CTXN1: variants seen among roughly 807,000 people sequenced by gnomAD.
CTXN1 encodes cortexin-1.
A neutral mutation model predicts 5.5 loss-of-function variants in CTXN1; 4 were observed. The observed-to-expected ratio is 0.73, with a 90% CI of 0.36 to 1.68. The LOEUF is 1.68. Ranked by LOEUF, CTXN1 falls within the 40% of genes most tolerant of loss-of-function variation. The pLI is 0.05. For synonymous variants in CTXN1, 67 were observed against 62.8 expected, an observed-to-expected ratio of 1.07 and a Z score of -0.32; for missense variants, 111 against 123.0, an observed-to-expected ratio of 0.90 and a Z score of 0.46.
chr19:7,925,421 C>T lies in CTXN1; in HGVS notation c.118G>A (p.Val40Met). Residue 40 changes from valine (V) to methionine (M), a missense_variant, in exon 2 of 2, where the codon GTG becomes ATG. Physicochemically the swap from Val to Met is conservative, Grantham distance 21 (BLOSUM62 1). Transcript: ENST00000318978. This position sits in a 1 kb window ranked among gnomAD's most constrained non-coding sequence, Gnocchi z 5.0. ...TVFAFVLCLLVVLVLLMVRCV... is the reference protein window; with the variant it reads ...TVFAFVLCLLMVLVLLMVRCV... ...CGCACCATCAACAGCACCAGCACCA[C>T]GAGCAGGCAGAGCACGAAGGCGAAC... is the stretch of plus-strand genomic sequence containing the variant. 3.8e-6 allele frequency: 6 copies of T among 1,588,532 alleles called. No individual in the cohort carries two copies. The highest frequency in any genetic ancestry group is 5.1e-6 in the Non-Finnish European group (6 of 1,172,504).
rs761971083 is a variant in CTXN1 at position 7,925,371 on chromosome 19, G to C, written c.168C>G (p.Pro56=). ...AGGACGAGGCGGGCATGCGGCTGTA[G>C]GGGTCGAGCAGGATGCGCACGCAGC... ...MVRCVRILLD[P]YSRMPASSWT... Residue 56 remains proline, a synonymous_variant, in exon 2 of 2, where the codon CCC becomes CCG. Coordinates refer to ENST00000318978, the MANE Select transcript of CTXN1 (RefSeq NM_206833.4). This position sits in a 1 kb window ranked among gnomAD's most constrained non-coding sequence, Gnocchi z 5.0. The C allele has an allele frequency of 2.1e-5, 33 of 1,581,626 alleles. No individual in the cohort carries two copies. In the Middle Eastern group the frequency reaches 5.0e-4, roughly 24 times the overall value.
Position 7,925,154 on chromosome 19 carries a change from C to T in CTXN1, c.*136G>A, listed in dbSNP as rs149782588. 7.5e-3 allele frequency: 4,715 copies of T among 625,454 alleles called. 30 individuals are homozygous for T. Among genetic ancestry groups the T allele is most frequent in the Non-Finnish European group, 9.8e-3 (4,269 of 434,202 alleles). The allele number at this position is 625,454 out of a possible 1,614,324, so 38.7% of individuals were successfully genotyped here. A position where few individuals can be genotyped will look rare whatever the true frequency, so the allele number is the denominator to read the frequency against. On this transcript the variant is annotated 3_prime_UTR_variant, in exon 2 of 2. Transcript: ENST00000318978. The surrounding 1 kb of genome is among the most constrained non-coding windows in gnomAD (Gnocchi z 5.0). ...TCGAGGGGGAGGGGCTGGGCTTCTC[C>T]CAACTCCCTCCCCCTCTCCCCCGGG... is the stretch of plus-strand genomic sequence containing the variant.
In CTXN1 at chr19:7,925,577, G is replaced by A. The variant is rs1221935325; in HGVS notation, c.-20-19C>T. On this transcript the variant is annotated intron_variant, in intron 1 of 1. Transcript: ENST00000318978. This position sits in a 1 kb window ranked among gnomAD's most constrained non-coding sequence, Gnocchi z 5.0. ...GCGCGCCCTGCGGAGGAGGGGACCC[G>A]CCCCGGGCGCCGGGGATGAGGCTGC... The A allele has an allele frequency of 2.3e-6, 3 of 1,323,410 alleles. No individual in the cohort carries two copies. The highest frequency in any genetic ancestry group is 8.3e-5 in the Admixed American group (2 of 23,984). The allele number at this position is 1,323,410 out of a possible 1,614,324, so 82.0% of individuals were successfully genotyped here.
Position 7,925,417 on chromosome 19 carries a change from A to G in CTXN1, c.122T>C (p.Val41Ala). Residue 41 changes from valine (V) to alanine (A), a missense_variant, in exon 2 of 2, where the codon GTG becomes GCG. Coordinates refer to ENST00000318978, the MANE Select transcript of CTXN1 (RefSeq NM_206833.4). The surrounding 1 kb of genome is among the most constrained non-coding windows in gnomAD (Gnocchi z 5.0). ...GCAGCGCACCATCAACAGCACCAGC[A>G]CCACGAGCAGGCAGAGCACGAAGGC... ...VFAFVLCLLVVLVLLMVRCVR... is the reference protein window; with the variant it reads ...VFAFVLCLLVALVLLMVRCVR... 6.3e-7 allele frequency: 1 copy of G among 1,588,532 alleles called. No individual in the cohort carries two copies. The highest frequency in any genetic ancestry group is 8.5e-7 in the Non-Finnish European group (1 of 1,172,360).
In CTXN1 at chr19:7,925,228, C is replaced by A. The variant is rs1046581381; in HGVS notation, c.*62G>T. ...TGAGCGCAGTCCTGGCCCCGCGGCG[C>A]CCCCCGCCGGGCCGGCCCTCTGAGA... On this transcript the variant is annotated 3_prime_UTR_variant, in exon 2 of 2. Coordinates refer to ENST00000318978, the MANE Select transcript of CTXN1 (RefSeq NM_206833.4). This position sits in a 1 kb window ranked among gnomAD's most constrained non-coding sequence, Gnocchi z 5.0. 27 of 1,215,612 alleles carry A rather than the reference C, an allele frequency of 2.2e-5. 1 individual carries two copies. Among genetic ancestry groups the A allele is most frequent in the Non-Finnish European group, 2.7e-5 (26 of 969,006 alleles). The allele number at this position is 1,215,612 out of a possible 1,614,324, so 75.3% of individuals were successfully genotyped here.
chr19:7,925,527 C>A lies in CTXN1; in HGVS notation c.12G>T (p.Thr4=), dbSNP rs1599643608. 6.9e-7 allele frequency: 1 copy of A among 1,459,240 alleles called. No individual in the cohort carries two copies. The highest frequency in any genetic ancestry group is 2.9e-5 in the East Asian group (1 of 34,282). The allele number at this position is 1,459,240 out of a possible 1,614,324, so 90.4% of individuals were successfully genotyped here. The change falls in exon 2 of 2, where the codon ACG becomes ACT. Residue 4 remains threonine, a synonymous_variant. Coordinates refer to ENST00000318978, the MANE Select transcript of CTXN1 (RefSeq NM_206833.4). This position sits in a 1 kb window ranked among gnomAD's most constrained non-coding sequence, Gnocchi z 5.0. MSA[T]WTLSPEPLPP... ...GCAGGGGCTCCGGCGACAGCGTCCACGTCGCGCTCATGGCTCACATCGCCG... is the reference window on the plus strand; with the variant it reads ...GCAGGGGCTCCGGCGACAGCGTCCAAGTCGCGCTCATGGCTCACATCGCCG...
rs1329584042 is a variant in CTXN1 at position 7,925,131 on chromosome 19, G to C, written c.*159C>G. ...CAGGAAGGGACATGGGAGGGGTCTC[G>C]AGGGGGAGGGGCTGGGCTTCTCCCA... On this transcript the variant is annotated 3_prime_UTR_variant, in exon 2 of 2. Transcript: ENST00000318978. The surrounding 1 kb of genome is among the most constrained non-coding windows in gnomAD (Gnocchi z 5.0). The C allele has an allele frequency of 2.8e-5, 13 of 464,696 alleles. 1 individual carries two copies. Among genetic ancestry groups the C allele is most frequent in the Non-Finnish European group, 4.1e-5 (12 of 289,598 alleles). 28.8% of individuals were successfully genotyped at this position (464,696 alleles called of 1,614,324 possible).
rs1983740241 is a variant in CTXN1, at chr19:7,925,172, C to T, written c.*118G>A. 4 of 765,896 alleles carry T rather than the reference C, an allele frequency of 5.2e-6. No individual in the cohort carries two copies. The highest frequency in any genetic ancestry group is 5.5e-5 in the South Asian group (1 of 18,082). 47.4% of individuals were successfully genotyped at this position (765,896 alleles called of 1,614,324 possible). On this transcript the variant is annotated 3_prime_UTR_variant, in exon 2 of 2. Coordinates refer to ENST00000318978, the MANE Select transcript of CTXN1 (RefSeq NM_206833.4). This position sits in a 1 kb window ranked among gnomAD's most constrained non-coding sequence, Gnocchi z 5.0. ...GCTTCTCCCAACTCCCTCCCCCTCT[C>T]CCCCGGGCTGGGGGCTCCGGGGCGG...
In CTXN1 at chr19:7,925,437, G is replaced by A. The variant is rs1176568208; in HGVS notation, c.102C>T (p.Phe34=). The A allele has an allele frequency of 1.3e-6, 2 of 1,586,192 alleles. No individual in the cohort carries two copies. Among genetic ancestry groups the A allele is most frequent in the East Asian group, 2.3e-5 (1 of 42,712 alleles). Residue 34 remains phenylalanine (F), a synonymous_variant, in exon 2 of 2, where the codon TTC becomes TTT. Transcript: ENST00000318978. The surrounding 1 kb of genome is among the most constrained non-coding windows in gnomAD (Gnocchi z 5.0). ...LDAEQRTVFA[F]VLCLLVVLVL... ...CCAGCACCACGAGCAGGCAGAGCAC[G>A]AAGGCGAACACCGTGCGCTGCTCCG... is the stretch of plus-strand genomic sequence containing the variant.
In CTXN1 at chr19:7,924,918, G is replaced by C. The variant is rs914285862; in HGVS notation, c.*372C>G. 2 of 168,494 alleles carry C rather than the reference G, an allele frequency of 1.2e-5. No individual in the cohort carries two copies. The highest frequency in any genetic ancestry group is 3.9e-4 in the South Asian group (2 of 5,160). 10.4% of individuals were successfully genotyped at this position (168,494 alleles called of 1,614,324 possible). A position where few individuals can be genotyped will look rare whatever the true frequency, so the allele number is the denominator to read the frequency against. On this transcript the variant is annotated 3_prime_UTR_variant, in exon 2 of 2. Transcript: ENST00000318978. Reference sequence around the variant, plus strand: ...GCCAGACAACAGGGGAGGGAGGAGGGACAAGGGGGTCCCCACTTCCAGGGA... The same window carrying C: ...GCCAGACAACAGGGGAGGGAGGAGGCACAAGGGGGTCCCCACTTCCAGGGA...
chr19:7,924,746 G>A lies in CTXN1; in HGVS notation c.*544C>T, dbSNP rs572360666. Reference sequence around the variant, plus strand: ...CACGCATCCTCGACACAGCCGCCATGGCAGGCCTTCGGGCTCCGTCTCCGG... The same window carrying A: ...CACGCATCCTCGACACAGCCGCCATAGCAGGCCTTCGGGCTCCGTCTCCGG... On this transcript the variant is annotated 3_prime_UTR_variant, in exon 2 of 2. Coordinates refer to ENST00000318978, the MANE Select transcript of CTXN1 (RefSeq NM_206833.4). 1 of 152,522 alleles carries A rather than the reference G, an allele frequency of 6.6e-6. No individual in the cohort carries two copies. The highest frequency in any genetic ancestry group is 2.4e-5 in the African/African-American group (1 of 41,582). The allele number at this position is 152,522 out of a possible 1,614,324, so 9.4% of individuals were successfully genotyped here. A position where few individuals can be genotyped will look rare whatever the true frequency, so the allele number is the denominator to read the frequency against.
In CTXN1 at chr19:7,925,372, G is replaced by A. The variant is rs765602974; in HGVS notation, c.167C>T (p.Pro56Leu). ...GGACGAGGCGGGCATGCGGCTGTAGGGGTCGAGCAGGATGCGCACGCAGCG... is the reference window on the plus strand; with the variant it reads ...GGACGAGGCGGGCATGCGGCTGTAGAGGTCGAGCAGGATGCGCACGCAGCG... ...MVRCVRILLD[P>L]YSRMPASSWT... The change falls in exon 2 of 2, where the codon CCC becomes CTC. Residue 56 changes from proline (P) to leucine (L), a missense_variant. Pro to Leu is a moderately conservative substitution (Grantham distance 98). Coordinates refer to ENST00000318978, the MANE Select transcript of CTXN1 (RefSeq NM_206833.4). The surrounding 1 kb of genome is among the most constrained non-coding windows in gnomAD (Gnocchi z 5.0). The A allele has an allele frequency of 1.3e-6, 2 of 1,582,042 alleles. No homozygotes were observed. The highest frequency in any genetic ancestry group is 1.4e-5 in the African/African-American group (1 of 72,230).
Position 7,925,784 on chromosome 19 carries a change from G to A in CTXN1, c.-21+183C>T, listed in dbSNP as rs1435596299. Among the ~76,000 whole-genome samples the A allele has an allele frequency of 2.0e-5, 3 of 151,480 alleles. No individual in the cohort carries two copies. The highest frequency in any genetic ancestry group is 4.4e-5 in the Non-Finnish European group (3 of 67,786). The stretch of plus-strand genomic sequence containing the variant: ...AACTCTGGCCGTGCGCGCAGGTGGG[G>A]GCGCTGAGAGCCGGGAAACGGAGCC... On this transcript the variant is annotated intron_variant, in intron 1 of 1. Coordinates refer to ENST00000318978, the MANE Select transcript of CTXN1 (RefSeq NM_206833.4). This position sits in a 1 kb window ranked among gnomAD's most constrained non-coding sequence, Gnocchi z 5.0.
chr19:7,925,505 G>C lies in CTXN1; in HGVS notation c.34C>G (p.Leu12Val). Residue 12 changes from leucine (L) to valine (V), a missense_variant, in exon 2 of 2, where the codon CTG (leucine) becomes GTG (valine). Physicochemically the swap from Leu to Val is conservative, Grantham distance 32. Coordinates refer to ENST00000318978, the MANE Select transcript of CTXN1 (RefSeq NM_206833.4). This position sits in a 1 kb window ranked among gnomAD's most constrained non-coding sequence, Gnocchi z 5.0. ...SATWTLSPEPLPPSTGPPVGA... is the reference protein window; with the variant it reads ...SATWTLSPEPVPPSTGPPVGA... Reference sequence around the variant, plus strand: ...ACCGGGGGCCCCGTCGACGGCGGCAGGGGCTCCGGCGACAGCGTCCACGTC... The same window carrying C: ...ACCGGGGGCCCCGTCGACGGCGGCACGGGCTCCGGCGACAGCGTCCACGTC... The C allele has an allele frequency of 6.6e-7, 1 of 1,504,552 alleles. No homozygotes were observed. The highest frequency in any genetic ancestry group is 8.8e-7 in the Non-Finnish European group (1 of 1,132,600). 93.2% of individuals were successfully genotyped at this position (1,504,552 alleles called of 1,614,324 possible). A position where few individuals can be genotyped will look rare whatever the true frequency, so the allele number is the denominator to read the frequency against.
Position 7,925,659 on chromosome 19 carries a change from T to C in CTXN1, c.-20-101A>G, listed in dbSNP as rs148523554. 70,640 of 1,012,488 alleles carry C rather than the reference T, an allele frequency of 0.07. 2,464 individuals carry two copies. The highest frequency in any genetic ancestry group is 0.094 in the African/African-American group (5,438 of 57,774). 62.7% of individuals were successfully genotyped at this position (1,012,488 alleles called of 1,614,324 possible). A position where few individuals can be genotyped will look rare whatever the true frequency, so the allele number is the denominator to read the frequency against. On this transcript the variant is annotated intron_variant, in intron 1 of 1. Transcript: ENST00000318978. This position sits in a 1 kb window ranked among gnomAD's most constrained non-coding sequence, Gnocchi z 5.0. ...CCCTCCTGCCGCCGCCGCCGCCGCC[T>C]CCCTTAACGTGCCCGACCCCATCCC...
At position 7,925,002 on chromosome 19, in the gene CTXN1, C is replaced by T. The variant is rs531745118; in HGVS notation, c.*288G>A. ...GGGGGCGGTGCGGGGGTCCTCCTCC[C>T]GCCCGGGATTCAGAGTCGGGGGTGG... is the stretch of plus-strand genomic sequence containing the variant. On this transcript the variant is annotated 3_prime_UTR_variant, in exon 2 of 2. Transcript: ENST00000318978. This position sits in a 1 kb window ranked among gnomAD's most constrained non-coding sequence, Gnocchi z 5.0. The T allele has an allele frequency of 7.1e-5, 20 of 283,458 alleles. No homozygotes were observed. The highest frequency in any genetic ancestry group is 4.4e-4 in the African/African-American group (20 of 45,784). 17.6% of individuals were successfully genotyped at this position (283,458 alleles called of 1,614,324 possible).
rs1046485751 is a variant in CTXN1 at position 7,925,488 on chromosome 19, C to A, written c.51G>T (p.Gly17=). 1.2e-5 allele frequency: 19 copies of A among 1,530,770 alleles called. No individual in the cohort carries two copies. Among genetic ancestry groups the A allele is most frequent in the Non-Finnish European group, 1.7e-5 (19 of 1,146,024 alleles). 94.8% of individuals were successfully genotyped at this position (1,530,770 alleles called of 1,614,324 possible). Residue 17 remains glycine (G), a synonymous_variant, in exon 2 of 2, where the codon GGG becomes GGT. Coordinates refer to ENST00000318978, the MANE Select transcript of CTXN1 (RefSeq NM_206833.4). This position sits in a 1 kb window ranked among gnomAD's most constrained non-coding sequence, Gnocchi z 5.0. ...LSPEPLPPST[G]PPVGAGLDAE... ...CGTCCAGGCCCGCGCCCACCGGGGGCCCCGTCGACGGCGGCAGGGGCTCCG... is the reference window on the plus strand; with the variant it reads ...CGTCCAGGCCCGCGCCCACCGGGGGACCCGTCGACGGCGGCAGGGGCTCCG...
Position 7,925,454 on chromosome 19 carries a change from G to T in CTXN1, c.85C>A (p.Arg29Ser). Residue 29 changes from arginine to serine, a missense_variant, in exon 2 of 2, where the codon CGC (arginine) becomes AGC (serine). Transcript: ENST00000318978. The surrounding 1 kb of genome is among the most constrained non-coding windows in gnomAD (Gnocchi z 5.0). ...CAGAGCACGAAGGCGAACACCGTGC[G>T]CTGCTCCGCGTCCAGGCCCGCGCCC... ...PVGAGLDAEQ[R>S]TVFAFVLCLL... The T allele has an allele frequency of 6.3e-7, 1 of 1,575,246 alleles. No homozygotes were observed.
Position 7,925,334 on chromosome 19 carries a change from T to C in CTXN1, c.205A>G (p.Lys69Glu). The C allele has an allele frequency of 6.5e-7, 1 of 1,534,910 alleles. No homozygotes were observed. Among genetic ancestry groups the C allele is most frequent in the Non-Finnish European group, 8.7e-7 (1 of 1,144,562 alleles). Residue 69 changes from lysine to glutamate, a missense_variant, in exon 2 of 2, where the codon AAG (lysine) becomes GAG (glutamate). Transcript: ENST00000318978. This position sits in a 1 kb window ranked among gnomAD's most constrained non-coding sequence, Gnocchi z 5.0. ...AACTGCCCGCGCTCGAGCGCCTCCT[T>C]GTGGTCGGTCCAGGACGAGGCGGGC... ...RMPASSWTDH[K>E]EALERGQFDY...
Sources: gnomAD v4.1 joint callset for allele counts (sites outside exome capture counted in the v4.1 genomes callset) on GRCh38, gnomAD v4.1.1 for gene constraint, Gnocchi (gnomAD v3.1) non-coding constraint, MANE v1.5 for transcripts, NCBI Gene and HGNC (gene_info 2026-07-23, HGNC 2026-07-21) for gene names.